Variants in C5orf15 observed in about 807,000 individuals in gnomAD.
C5orf15 encodes keratinocyte-associated transmembrane protein 2.
In C5orf15, 10 loss-of-function variants were observed where a neutral mutation model predicts 17.8. The observed-to-expected ratio is 0.56, with a 90% CI of 0.35 to 0.95. The LOEUF is 0.95. Ranked by LOEUF, C5orf15 falls within the 40% of genes least tolerant of loss-of-function variation. C5orf15 has a pLI of 0.02. For missense variants in C5orf15, 319 were observed against 331.7 expected, an observed-to-expected ratio of 0.96 and a Z score of 0.30; for synonymous variants, 124 against 131.0, an observed-to-expected ratio of 0.95 and a Z score of 0.36.
chr5:133,960,930 T>TA (rs1360749459), intron 1 of C5orf15, among the ~76,000 whole-genome samples: 1 of 148,558 alleles, frequency 6.7e-6, no homozygotes. Context: ...TCTACTACAC[T>TA]AAAAAAATAA....
chr5:133,958,694 G>A lies in C5orf15; in HGVS notation c.666+800C>T, dbSNP rs143089669. Reference sequence around the variant, plus strand: ...TTATAGACCAGAAATACACCAAAACGTTAATGCTGAGAAGTAGTTTAAATT... The same window carrying A: ...TTATAGACCAGAAATACACCAAAACATTAATGCTGAGAAGTAGTTTAAATT... On this transcript the variant is annotated intron_variant, in intron 2 of 2. Transcript: ENST00000231512. 3.6e-3 allele frequency among the ~76,000 whole-genome samples: 530 copies of A among 148,324 alleles called. 8 individuals are homozygous for A. Among genetic ancestry groups the A allele is most frequent in the African/African-American group, 0.012 (484 of 40,258 alleles).
At chr5:133,966,124 G>A (rs1752188445) in intron 1 of C5orf15, among the ~76,000 whole-genome samples, 2 of 151,694 alleles carry the variant, frequency 1.3e-5, no homozygotes, top group African/African-American at 4.8e-5. Context: ...GGGAGGCTGA[G>A]GCAGAAGAAT....
At chr5:133,958,289 T>C (rs1752065333) in intron 2 of C5orf15, among the ~76,000 whole-genome samples, 1 of 151,814 alleles carries the variant, frequency 6.6e-6, no homozygotes, top group South Asian at 2.1e-4. Context: ...TAAAACTCTA[T>C]GAGATAGCTG....
intron 1 of C5orf15, among the ~76,000 whole-genome samples, chr5:133,965,014 C>A (rs1752172752): frequency 6.6e-6 from 1 of 152,200 alleles, no homozygotes; most frequent in South Asian, 2.1e-4. Flanking sequence ...CCATTTCTCA[C>A]AAAAGTGAAA....
intron 1 of C5orf15, 131 bp downstream of exon 1, chr5:133,968,315 A>G: frequency 8.1e-7 from 1 of 1,235,792 alleles, no homozygotes; most frequent in Non-Finnish European, 1.1e-6. Flanking sequence ...GCCCGCGGAG[A>G]CCCTGACCCA....
chr5:133,958,894 A>T (rs1295133694), intron 2 of C5orf15, among the ~76,000 whole-genome samples: 1 of 152,124 alleles, frequency 6.6e-6, no homozygotes, highest in African/African-American at 2.4e-5. Context: ...ATTAAGACAT[A>T]AACTCTTAAA....
chr5:133,958,941 A>C (rs1239792349), intron 2 of C5orf15, among the ~76,000 whole-genome samples: 1 of 152,230 alleles, frequency 6.6e-6, no homozygotes, highest in Non-Finnish European at 1.5e-5. Flanking sequence ...CTCATTAAGA[A>C]ATAGGACTAT....
In C5orf15 at chr5:133,968,511, G is replaced by A. The variant is rs1752229470; in HGVS notation, c.74C>T (p.Ala25Val). 1.2e-6 allele frequency: 2 copies of A among 1,607,054 alleles called. No homozygotes were observed. Among genetic ancestry groups the A allele is most frequent in the African/African-American group, 1.3e-5 (1 of 74,980 alleles). ...CAGCGGCCGCGCCAACCCCACAAGG[G>A]CTTGGATGGCCGACCCGGGCAGCAG... is the stretch of plus-strand genomic sequence containing the variant. ...AKLLPGSAIQALVGLARPLVL... is the reference protein window; with the variant it reads ...AKLLPGSAIQVLVGLARPLVL... Residue 25 changes from alanine (A) to valine (V), a missense_variant, in exon 1 of 3, where the codon GCC (alanine) becomes GTC (valine). Ala to Val is a moderately conservative substitution (Grantham distance 64, BLOSUM62 0). This residue lies in a region of C5orf15 where 127 missense variants were observed against 95.6 expected (regional missense o/e 1.33). Coordinates refer to ENST00000231512, the MANE Select transcript of C5orf15 (RefSeq NM_020199.3).
At chr5:133,962,063 A>G (rs1333364220) in intron 1 of C5orf15, among the ~76,000 whole-genome samples, 1 of 152,192 alleles carries the variant, frequency 6.6e-6, no homozygotes, top group African/African-American at 2.4e-5. Context: ...AAAAATTATT[A>G]TTTTCTGATA....
At chr5:133,958,686 A>G (rs1233393496) in intron 2 of C5orf15, among the ~76,000 whole-genome samples, 1 of 151,792 alleles carries the variant, frequency 6.6e-6, no homozygotes, top group African/African-American at 2.4e-5. Context: ...CCAGAAATAC[A>G]CCAAAACGTT....
In C5orf15 at chr5:133,956,070, G is replaced by A. The variant is rs1054542362; in HGVS notation, c.*789C>T. ...CTGTAAAATAATAAACGAAGTAAACGAATCTGATATAATTTTAAACTCTGC... is the reference window on the plus strand; with the variant it reads ...CTGTAAAATAATAAACGAAGTAAACAAATCTGATATAATTTTAAACTCTGC... On this transcript the variant is annotated 3_prime_UTR_variant, in exon 3 of 3. Coordinates refer to ENST00000231512, the MANE Select transcript of C5orf15 (RefSeq NM_020199.3). 5 of 152,482 alleles carry A rather than the reference G, an allele frequency of 3.3e-5. No individual in the cohort carries two copies. The highest frequency in any genetic ancestry group is 9.7e-5 in the African/African-American group (4 of 41,416). The allele number at this position is 152,482 out of a possible 1,614,324, so 9.4% of individuals were successfully genotyped here. A position where few individuals can be genotyped will look rare whatever the true frequency, so the allele number is the denominator to read the frequency against.
At chr5:133,965,110 A>G (rs546559803) in intron 1 of C5orf15, among the ~76,000 whole-genome samples, 1 of 152,214 alleles carries the variant, frequency 6.6e-6, no homozygotes, top group African/African-American at 2.4e-5. Context: ...TAACAGCTCT[A>G]TCCCCATTAC....
chr5:133,968,330 G>C (rs1752225920), intron 1 of C5orf15, 116 bp downstream of exon 1: 2 of 1,406,500 alleles, frequency 1.4e-6, no homozygotes, highest in Non-Finnish European at 1.9e-6. Flanking sequence ...GACCCAACCA[G>C]ACACCGCCGT....
At chr5:133,968,048 C>T (rs1488850460) in intron 1 of C5orf15, among the ~76,000 whole-genome samples, 2 of 152,048 alleles carry the variant, frequency 1.3e-5, no homozygotes, top group Non-Finnish European at 2.9e-5. Flanking sequence ...CTCCTCAGCC[C>T]CTGTCGCCAC....
chr5:133,960,224 T>G (rs545211637), intron 1 of C5orf15, among the ~76,000 whole-genome samples: 1 of 152,226 alleles, frequency 6.6e-6, no homozygotes, highest in Non-Finnish European at 1.5e-5. Context: ...ATTGCTTTGC[T>G]AGATACTAAC....
chr5:133,968,494 G>A lies in C5orf15; in HGVS notation c.91C>T (p.Arg31Trp), dbSNP rs572536901. ...SAIQALVGLARPLVLALLLVS... is the reference protein window; with the variant it reads ...SAIQALVGLAWPLVLALLLVS... Reference sequence around the variant, plus strand: ...AGCAGGAGCGCCAAGACCAGCGGCCGCGCCAACCCCACAAGGGCTTGGATG... The same window carrying A: ...AGCAGGAGCGCCAAGACCAGCGGCCACGCCAACCCCACAAGGGCTTGGATG... The change falls in exon 1 of 3, where the codon CGG (arginine) becomes TGG (tryptophan). Residue 31 changes from arginine (R) to tryptophan (W), a missense_variant. Coordinates refer to ENST00000231512, the MANE Select transcript of C5orf15 (RefSeq NM_020199.3). 200 of 1,605,380 alleles carry A rather than the reference G, an allele frequency of 1.2e-4. 2 individuals are homozygous for A. In the South Asian group the frequency reaches 2.2e-3, roughly 17 times the overall value.
intron 1 of C5orf15, 35 bp downstream of exon 1, chr5:133,968,411 A>G (rs770882090): frequency 3.9e-5 from 62 of 1,593,534 alleles, no homozygotes; most frequent in Non-Finnish European, 5.0e-5. Context: ...GAGCCCTCCT[A>G]GCCTTCCTAA....
rs530108185 is a variant in C5orf15, at chr5:133,963,499, C to T, written c.140-3479G>A. Among the ~76,000 whole-genome samples, 3 of 152,148 alleles carry T rather than the reference C, an allele frequency of 2.0e-5. No homozygotes were observed. In the South Asian group the frequency reaches 6.2e-4, roughly 32 times the overall value. On this transcript the variant is annotated intron_variant, in intron 1 of 2. Coordinates refer to ENST00000231512, the MANE Select transcript of C5orf15 (RefSeq NM_020199.3). ...TCTGAACATTATGTATAAAATAACA[C>T]AAGAACACTCTGAAAGGTGGAAAGA... is the stretch of plus-strand genomic sequence containing the variant.
chr5:133,960,109 T>C, intron 1 of C5orf15, 89 bp from the exon 2 acceptor site: 1 of 1,104,740 alleles, frequency 9.1e-7, no homozygotes, highest in Non-Finnish European at 1.3e-6. Flanking sequence ...ACACTAAGCA[T>C]TTCTCTCTGC....
Sources: allele counts gnomAD v4.1 joint callset (sites outside exome capture counted in the v4.1 genomes callset), GRCh38; gene constraint gnomAD v4.1.1; regional missense constraint gnomAD v4.1.1; transcripts MANE v1.5; gene names NCBI Gene and HGNC (gene_info 2026-07-23, HGNC 2026-07-21).